ALDH7A1: variants seen among roughly 807,000 people sequenced by gnomAD.
The protein encoded by ALDH7A1 is aldehyde dehydrogenase 7 family member A1.
ALDH7A1 carries 63 observed loss-of-function variants against 79.9 expected under a neutral mutation model. The ratio of observed to expected loss-of-function variants is 0.79; its 90% CI spans 0.64 to 0.97. ALDH7A1 has a LOEUF of 0.97. ALDH7A1 is among the 50% of genes least tolerant of loss of function. The probability of loss-of-function intolerance (pLI) is 0.00; values close to 1 mark genes in which losing one functional copy is unlikely to be tolerated. For synonymous variants in ALDH7A1, 240 were observed against 231.2 expected, an observed-to-expected ratio of 1.04 and a Z score of -0.34; for missense variants, 627 against 665.2, an observed-to-expected ratio of 0.94 and a Z score of 0.63.
At chr5:126,554,647 T>C in intron 12 of ALDH7A1, 1 of 501,464 alleles carries the variant, frequency 2.0e-6, no homozygotes, top group South Asian at 2.0e-5. Context: ...TGCAAATGAG[T>C]GGGTATGTGC....
At chr5:126,593,442 T>C in intron 1 of ALDH7A1, 38 bp from the exon 2 acceptor site, 2 of 1,613,348 alleles carry the variant, frequency 1.2e-6, no homozygotes, top group Non-Finnish European at 1.7e-6. Flanking sequence ...ATAGAAAACG[T>C]AATCCCTTTT....
At chr5:126,583,245 C>T (rs1018622763) in intron 4 of ALDH7A1, among the ~76,000 whole-genome samples, 3 of 152,152 alleles carry the variant, frequency 2.0e-5, no homozygotes, top group African/African-American at 7.2e-5. Context: ...CTTTGGGAGG[C>T]CAAGGCGGGC....
At position 126,567,786 on chromosome 5, in the gene ALDH7A1, TC is replaced by T. The variant is rs201277157; in HGVS notation, c.871+472del. ...TGTGCCTGGCTTGAATTTTTTTTTT[TC>T]TTTTTTTTTTTTTTGTGACGGAGTC... On this transcript the variant is annotated intron_variant, in intron 9 of 17. Transcript: ENST00000409134. 1.6e-3 allele frequency: 232 copies of T among 142,864 alleles called. 1 individual carries two copies. Among genetic ancestry groups the T allele is most frequent in the Middle Eastern group, 7.4e-3 (2 of 270 alleles). The allele number at this position is 142,864 out of a possible 1,614,324, so 8.8% of individuals were successfully genotyped here.
chr5:126,569,907 T>C (rs1358621127), intron 8 of ALDH7A1: 1 of 152,210 alleles, frequency 6.6e-6, no homozygotes, highest in Non-Finnish European at 1.5e-5. Flanking sequence ...CACACCAGTA[T>C]GGGTTGTAAG....
At chr5:126,550,388 T>C in intron 14 of ALDH7A1, 95 bp from the exon 15 acceptor site, 2 of 936,044 alleles carry the variant, frequency 2.1e-6, no homozygotes, top group Non-Finnish European at 3.4e-6. Context: ...ACCAGTATAA[T>C]TTCAGTGTAC....
At chr5:126,557,465 T>C (rs534567687) in intron 11 of ALDH7A1, among the ~76,000 whole-genome samples, 45 of 151,730 alleles carry the variant, frequency 3.0e-4, no homozygotes, top group African/African-American at 9.7e-4. Flanking sequence ...TGGGTGCCTG[T>C]AGTGCCAGCT....
At chr5:126,569,702 C>G (rs912106462) in intron 8 of ALDH7A1, 25 of 152,208 alleles carry the variant, frequency 1.6e-4, no homozygotes, top group African/African-American at 6.0e-4. Flanking sequence ...CAAAGGCCAA[C>G]TCATGTTTTA....
chr5:126,549,958 G>C lies in ALDH7A1; in HGVS notation c.1460C>G (p.Thr487Arg). ...DCGIVNVNIP[T>R]SGAEIGGAFG... Reference sequence around the variant, plus strand: ...GGCACCTCCAATCTCAGCCCCACTTGTTGGAATGTTGACATTTACAATGCC... The same window carrying C: ...GGCACCTCCAATCTCAGCCCCACTTCTTGGAATGTTGACATTTACAATGCC... The change falls in exon 16 of 18, where the codon ACA becomes AGA. Residue 487 changes from threonine to arginine, a missense_variant. Physicochemically the swap from Thr to Arg is moderately conservative, Grantham distance 71 (BLOSUM62 -1). Coordinates refer to ENST00000409134, the MANE Select transcript of ALDH7A1 (RefSeq NM_001182.5). 1 of 1,614,154 alleles carries C rather than the reference G, an allele frequency of 6.2e-7. No individual in the cohort carries two copies. Among genetic ancestry groups the C allele is most frequent in the Non-Finnish European group, 8.5e-7 (1 of 1,180,006 alleles).
chr5:126,567,787 C>CT (rs562611077), intron 9 of ALDH7A1: 267 of 117,562 alleles, frequency 2.3e-3, no homozygotes, highest in Non-Finnish European at 3.0e-3. Flanking sequence ...TTTTTTTTTT[C>CT]TTTTTTTTTT....
At chr5:126,574,649 C>T (rs1337164820) in intron 7 of ALDH7A1, among the ~76,000 whole-genome samples, 3 of 150,800 alleles carry the variant, frequency 2.0e-5, no homozygotes, top group Non-Finnish European at 4.4e-5. Context: ...GAGCCGAGAT[C>T]GCACCACTGG....
Position 126,554,433 on chromosome 5 carries a change from T to A in ALDH7A1, c.1094-40A>T, listed in dbSNP as rs62391520. 15,129 of 1,545,958 alleles carry A rather than the reference T, an allele frequency of 9.8e-3. 98 individuals carry two copies. The highest frequency in any genetic ancestry group is 0.013 in the Non-Finnish European group (14,129 of 1,117,898). ...GGAAGGCTGGCTCATCATTTTGCCC[T>A]TTATGGCATCGTTTTATTATTAGAA... On this transcript the variant is annotated intron_variant, in intron 12 of 17. Transcript: ENST00000409134.
chr5:126,565,881 A>T (rs571347185), intron 9 of ALDH7A1, among the ~76,000 whole-genome samples: 1 of 152,240 alleles, frequency 6.6e-6, no homozygotes, highest in Non-Finnish European at 1.5e-5. Flanking sequence ...CACCCTTGAC[A>T]CAACTGACCA....
intron 7 of ALDH7A1, among the ~76,000 whole-genome samples, chr5:126,571,474 CA>C (rs66827025): frequency 0.36 from 41,183 of 114,746 alleles, 8,167 homozygotes; most frequent in African/African-American, 0.62. Flanking sequence ...GACTGTATCT[CA>C]AAAAAAAAAA....
chr5:126,561,220 C>G (rs1488881373), intron 9 of ALDH7A1, 96 bp from the exon 10 acceptor site: 2 of 997,160 alleles, frequency 2.0e-6, no homozygotes, highest in East Asian at 5.3e-5. Flanking sequence ...AATTATATAG[C>G]CTGTCCAATT....
At chr5:126,559,149 A>G (rs1750305286) in intron 11 of ALDH7A1, 91 bp downstream of exon 11, 1 of 1,028,024 alleles carries the variant, frequency 9.7e-7, no homozygotes, top group African/African-American at 1.6e-5. Flanking sequence ...ATGTTGTTCT[A>G]GCAGTATTGC....
intron 15 of ALDH7A1, 92 bp downstream of exon 15, chr5:126,550,104 G>C (rs1160138761): frequency 1.3e-6 from 2 of 1,542,528 alleles, no homozygotes; most frequent in African/African-American, 2.7e-5. Context: ...TTTCAATACT[G>C]AAAAACTGAT....
intron 5 of ALDH7A1, 32 bp downstream of exon 5, chr5:126,582,819 C>T (rs760271415): frequency 6.2e-7 from 1 of 1,611,140 alleles, no homozygotes; most frequent in Non-Finnish European, 8.5e-7. Flanking sequence ...TATCAGAGTA[C>T]AAAACTCAGC....
intron 1 of ALDH7A1, 59 bp downstream of exon 1, chr5:126,594,948 C>T: frequency 1.3e-6 from 2 of 1,549,788 alleles, no homozygotes; most frequent in Non-Finnish European, 1.7e-6. Flanking sequence ...GGTCAGTGCC[C>T]GCCCGGCCTC....
chr5:126,593,304 ATT>A (rs756575266), intron 2 of ALDH7A1, 45 bp downstream of exon 2: 53 of 1,396,920 alleles, frequency 3.8e-5, no homozygotes, highest in Non-Finnish European at 3.5e-5. Flanking sequence ...TATAATTTGA[ATT>A]AAACACACAC....
Sources: allele counts gnomAD v4.1 joint callset (sites outside exome capture counted in the v4.1 genomes callset), GRCh38; gene constraint gnomAD v4.1.1; transcripts MANE v1.5; gene names NCBI Gene and HGNC (gene_info 2026-07-23, HGNC 2026-07-21).